The following RTN4RL1 variants were observed in gnomAD, a reference collection of about 807,000 sequenced individuals.
RTN4RL1 encodes reticulon-4 receptor-like 1.
A neutral mutation model predicts 25.6 loss-of-function variants in RTN4RL1; 7 were observed. The observed-to-expected ratio is 0.27, with a 90% CI of 0.16 to 0.51. The LOEUF (loss-of-function observed/expected upper bound fraction) is 0.51, where lower values mean the gene tolerates loss of function less well. Among genes scored for constraint, RTN4RL1 ranks in the 20% least tolerant of loss-of-function variants. The pLI, the probability that RTN4RL1 is intolerant of heterozygous loss-of-function variation, is 0.97. For synonymous variants in RTN4RL1, 297 were observed against 288.2 expected, an observed-to-expected ratio of 1.03 and a Z score of -0.31; for missense variants, 500 against 615.6, an observed-to-expected ratio of 0.81 and a Z score of 1.99.
chr17:1,991,748 C>T (rs1325119577), intron 1 of RTN4RL1, among the ~76,000 whole-genome samples: 1 of 152,178 alleles, frequency 6.6e-6, no homozygotes, highest in Non-Finnish European at 1.5e-5. Flanking sequence ...AAAATCCCAT[C>T]GCACGGGGGT....
At chr17:2,001,555 C>T (rs1402901788) in intron 1 of RTN4RL1, 1 of 152,184 alleles carries the variant, frequency 6.6e-6, no homozygotes, top group East Asian at 1.9e-4. Flanking sequence ...CTTATTTGAT[C>T]CTCTGTAAGG....
intron 1 of RTN4RL1, among the ~76,000 whole-genome samples, chr17:1,967,501 CCCTTCA>C (rs1352683963): frequency 1.3e-5 from 2 of 152,170 alleles, no homozygotes; most frequent in Non-Finnish European, 2.9e-5. Flanking sequence ...CACTCTCCTG[CCCTTCA>C]CAGGCAAACT....
At chr17:1,954,602 G>A (rs547742690) in intron 1 of RTN4RL1, among the ~76,000 whole-genome samples, 58 of 152,148 alleles carry the variant, frequency 3.8e-4, no homozygotes, top group African/African-American at 1.3e-3. Context: ...TGGCCAGGCT[G>A]GTCTCGAACT....
At chr17:1,982,202 G>A (rs2066869991) in intron 1 of RTN4RL1, among the ~76,000 whole-genome samples, 1 of 152,240 alleles carries the variant, frequency 6.6e-6, no homozygotes, top group Non-Finnish European at 1.5e-5. Context: ...TCAGGAGGAT[G>A]AGGCAGGAGA....
chr17:2,009,332 C>T (rs568306728), intron 1 of RTN4RL1, among the ~76,000 whole-genome samples: 101 of 152,226 alleles, frequency 6.6e-4, no homozygotes, highest in African/African-American at 2.3e-3. Context: ...CGGTGGCTTA[C>T]GCCTGTAATC....
At chr17:1,993,459 G>T (rs958570160) in intron 1 of RTN4RL1, among the ~76,000 whole-genome samples, 1 of 152,126 alleles carries the variant, frequency 6.6e-6, no homozygotes, top group Non-Finnish European at 1.5e-5. Context: ...CCTGTGAAAT[G>T]GGCTAAGCAC....
intron 1 of RTN4RL1, among the ~76,000 whole-genome samples, chr17:1,938,149 G>C (rs1915353538): frequency 6.6e-6 from 1 of 152,134 alleles, no homozygotes. Context: ...CATGACCCAG[G>C]GACACAGCCG....
chr17:1,937,436 G>T lies in RTN4RL1; in HGVS notation c.386C>A (p.Ala129Asp). The stretch of plus-strand genomic sequence containing the variant: ...GAGCCCACACTTGTAGAGGTAGAGG[G>T]CGTGAAGCTTCACCAGGCCCTGGAA... ...ETFQGLVKLH[A>D]LYLYKCGLSA... The change falls in exon 2 of 2, where the codon GCC (alanine) becomes GAC (aspartate). Residue 129 changes from alanine to aspartate, a missense_variant. This residue lies in a region of RTN4RL1 where 232 missense variants were observed against 341.1 expected (regional missense o/e 0.68). Coordinates refer to ENST00000331238, the MANE Select transcript of RTN4RL1 (RefSeq NM_178568.4). The T allele has an allele frequency of 6.2e-7, 1 of 1,613,892 alleles. No individual in the cohort carries two copies. Among genetic ancestry groups the T allele is most frequent in the Non-Finnish European group, 8.5e-7 (1 of 1,179,890 alleles).
intron 1 of RTN4RL1, 90 bp from the exon 2 acceptor site, chr17:1,937,898 C>T (rs1367888281): frequency 4.7e-6 from 5 of 1,056,928 alleles, no homozygotes; most frequent in East Asian, 2.6e-5. Context: ...GACGCATCCT[C>T]GTCTTGGCTG....
chr17:1,962,956 G>C (rs1402509491), intron 1 of RTN4RL1, among the ~76,000 whole-genome samples: 1 of 149,892 alleles, frequency 6.7e-6, no homozygotes, highest in African/African-American at 2.5e-5. Flanking sequence ...TTTTTTTTAA[G>C]AGACAGGGTC....
chr17:2,010,299 AT>A, intron 1 of RTN4RL1, among the ~76,000 whole-genome samples: 1 of 133,756 alleles, frequency 7.5e-6, no homozygotes, highest in African/African-American at 2.6e-5. Context: ...TCTTCTAAAA[AT>A]AAAAAAATAA....
intron 1 of RTN4RL1, among the ~76,000 whole-genome samples, chr17:1,952,137 GTC>G (rs1915694949): frequency 6.6e-6 from 1 of 151,742 alleles, no homozygotes; most frequent in Admixed American, 6.6e-5. Flanking sequence ...AACGACACAT[GTC>G]TCTCCTGCTC....
intron 1 of RTN4RL1, among the ~76,000 whole-genome samples, chr17:1,968,786 C>T (rs1444261884): frequency 1.3e-5 from 2 of 152,248 alleles, no homozygotes; most frequent in Non-Finnish European, 2.9e-5. Flanking sequence ...GAACTTGGCA[C>T]AGGCTAAGGG....
intron 1 of RTN4RL1, among the ~76,000 whole-genome samples, chr17:1,999,344 G>A (rs1401113168): frequency 1.3e-5 from 2 of 152,056 alleles, no homozygotes; most frequent in Admixed American, 1.3e-4. Flanking sequence ...TACTCGGGAG[G>A]CTGAGGCAGG....
intron 1 of RTN4RL1, among the ~76,000 whole-genome samples, chr17:1,946,632 C>CTCTG (rs534933171): frequency 4.4e-5 from 6 of 137,200 alleles, no homozygotes; most frequent in African/African-American, 5.6e-5. Flanking sequence ...GCACGTGTGT[C>CTCTG]TGTGCATCTC....
At chr17:2,010,839 G>A (rs2067040884) in intron 1 of RTN4RL1, among the ~76,000 whole-genome samples, 2 of 152,112 alleles carry the variant, frequency 1.3e-5, no homozygotes, top group South Asian at 2.1e-4. Flanking sequence ...CTCCCACCTC[G>A]GCCTCCCTAA....
At chr17:1,957,870 AAACG>A (rs1343724502) in intron 1 of RTN4RL1, among the ~76,000 whole-genome samples, 3 of 72,180 alleles carry the variant, frequency 4.2e-5, no homozygotes, top group Non-Finnish European at 7.1e-5. Context: ...ACAAACAAAC[AAACG>A]AACAAACAAA....
At chr17:2,007,195 G>A (rs1389300249) in intron 1 of RTN4RL1, among the ~76,000 whole-genome samples, 4 of 151,892 alleles carry the variant, frequency 2.6e-5, no homozygotes, top group South Asian at 4.2e-4. Context: ...CAAGGGGTAC[G>A]CCTTTCCTCA....
At chr17:1,965,131 C>T (rs367985299) in intron 1 of RTN4RL1, among the ~76,000 whole-genome samples, 182 of 132,178 alleles carry the variant, frequency 1.4e-3, no homozygotes, top group African/African-American at 4.7e-3. Flanking sequence ...TTTTTTGAGA[C>T]GTTGTTTCAC....
Sources: gnomAD v4.1 joint callset for allele counts (sites outside exome capture counted in the v4.1 genomes callset) on GRCh38, gnomAD v4.1.1 for gene constraint, gnomAD v4.1.1 regional missense constraint, MANE v1.5 for transcripts, NCBI Gene and HGNC (gene_info 2026-07-23, HGNC 2026-07-21) for gene names.